The following VDAC1 variants were observed in gnomAD, a reference collection of about 807,000 sequenced individuals.
The protein encoded by VDAC1 is non-selective voltage-gated ion channel VDAC1.
VDAC1 carries 10 observed loss-of-function variants against 34.7 expected under a neutral mutation model. The observed-to-expected ratio is 0.29, with a 90% CI of 0.18 to 0.49. The LOEUF (loss-of-function observed/expected upper bound fraction) is 0.49. Ranked by LOEUF, VDAC1 falls within the 20% of genes least tolerant of loss-of-function variation. The pLI is 0.99. For synonymous variants in VDAC1, 130 were observed against 136.0 expected (o/e 0.96, Z 0.30); for missense variants, 230 against 347.9 (o/e 0.66, Z 2.69).
chr5:134,109,770 C>CAAAAAAAAAAA, the VDAC1 span, among the ~76,000 whole-genome samples: 38 of 140,292 alleles, frequency 2.7e-4, no homozygotes, highest in African/African-American at 1.0e-3. Context: ...GGCTCCATCT[C>CAAAAAAAAAAA]AAAAAAAAAA....
At chr5:134,070,569 C>G in the VDAC1 span, among the ~76,000 whole-genome samples, 22 of 152,188 alleles carry the variant, frequency 1.4e-4, no homozygotes, top group African/African-American at 4.8e-4. Flanking sequence ...CCAGAGAGAA[C>G]CACTACTAAG....
the VDAC1 span, among the ~76,000 whole-genome samples, chr5:134,092,536 C>G: frequency 6.6e-6 from 1 of 152,070 alleles, no homozygotes. Context: ...ATTAGCCAGG[C>G]ATGGTGGTGG....
At chr5:134,088,263 C>T in the VDAC1 span, among the ~76,000 whole-genome samples, 1 of 152,192 alleles carries the variant, frequency 6.6e-6, no homozygotes, top group Admixed American at 6.5e-5. Flanking sequence ...GTCCCCAGAG[C>T]CCCCAACAAA....
chr5:134,095,565 C>G, the VDAC1 span, among the ~76,000 whole-genome samples: 1 of 152,074 alleles, frequency 6.6e-6, no homozygotes, highest in Non-Finnish European at 1.5e-5. Flanking sequence ...CAGATGTAAT[C>G]TAACTTTTTC....
chr5:134,019,041 TG>T, the VDAC1 span, among the ~76,000 whole-genome samples: 1 of 152,302 alleles, frequency 6.6e-6, no homozygotes, highest in East Asian at 1.9e-4. Context: ...TCTCCCCGCT[TG>T]GCTGATTTTA....
the VDAC1 span, among the ~76,000 whole-genome samples, chr5:134,067,975 G>A: frequency 1.0e-3 from 158 of 152,148 alleles, no homozygotes; most frequent in African/African-American, 3.5e-3. Context: ...AAAATTAGCC[G>A]GTCATGGTGG....
chr5:133,991,526 A>T (rs1015077232), intron 3 of VDAC1, among the ~76,000 whole-genome samples: 1 of 152,244 alleles, frequency 6.6e-6, no homozygotes, highest in Non-Finnish European at 1.5e-5. Context: ...TACTGCACAC[A>T]TAATTTCAAA....
chr5:134,056,271 G>T, the VDAC1 span, among the ~76,000 whole-genome samples: 2 of 150,184 alleles, frequency 1.3e-5, no homozygotes, highest in East Asian at 2.0e-4. Flanking sequence ...AAAAGATCTA[G>T]GGGTCTGTGA....
At chr5:134,083,642 G>A in the VDAC1 span, among the ~76,000 whole-genome samples, 1 of 152,226 alleles carries the variant, frequency 6.6e-6, no homozygotes, top group African/African-American at 2.4e-5. Flanking sequence ...GCCTCAGCTG[G>A]CCGTGGTACC....
the VDAC1 span, among the ~76,000 whole-genome samples, chr5:134,089,404 G>A: frequency 1.3e-5 from 2 of 152,190 alleles, no homozygotes; most frequent in Non-Finnish European, 2.9e-5. Flanking sequence ...TGCCCTTATG[G>A]TTTGCCCCTT....
chr5:133,980,964 A>G lies in VDAC1; in HGVS notation c.324-8T>C, dbSNP rs765434180. ...ATTTTAGCATTTTTTTTCCTGAAGG[A>G]AAATAAGTTATATTAAGATCAGAAG... On this transcript the variant is annotated splice_region_variant and splice_polypyrimidine_tract_variant and intron_variant, in intron 5 of 8. Coordinates refer to ENST00000265333, the MANE Select transcript of VDAC1 (RefSeq NM_003374.3). 2 of 1,611,916 alleles carry G rather than the reference A, an allele frequency of 1.2e-6. No homozygotes were observed. Among genetic ancestry groups the G allele is most frequent in the African/African-American group, 2.7e-5 (2 of 74,812 alleles).
the VDAC1 span, among the ~76,000 whole-genome samples, chr5:134,071,899 C>A: frequency 6.6e-6 from 1 of 152,116 alleles, no homozygotes; most frequent in South Asian, 2.1e-4. The surrounding 1 kb of genome is among the most constrained non-coding windows in gnomAD (Gnocchi z 4.1). Context: ...AGCCAGTCTC[C>A]CCTCTCTGTA....
chr5:134,075,798 G>C, the VDAC1 span, among the ~76,000 whole-genome samples: 2,137 of 152,010 alleles, frequency 0.014, 61 homozygotes, highest in African/African-American at 0.048. Context: ...TGTTAGCCAG[G>C]ATGGTCTCGA....
the VDAC1 span, among the ~76,000 whole-genome samples, chr5:134,037,294 G>T: frequency 1.3e-5 from 2 of 152,206 alleles, no homozygotes; most frequent in Non-Finnish European, 2.9e-5. Context: ...GGGAACTGAG[G>T]ACTGAACTCT....
At chr5:134,010,149 C>G in the VDAC1 span, among the ~76,000 whole-genome samples, 7 of 152,132 alleles carry the variant, frequency 4.6e-5, no homozygotes, top group Non-Finnish European at 2.9e-5. Context: ...ATTCCACCCC[C>G]CTTGATGCTG....
At chr5:134,113,448 G>A in the VDAC1 span, among the ~76,000 whole-genome samples, 8 of 152,372 alleles carry the variant, frequency 5.3e-5, no homozygotes, top group South Asian at 1.4e-3. Flanking sequence ...AGGGAGGCAC[G>A]GCTGTCTTCC....
chr5:134,054,003 C>T, the VDAC1 span, among the ~76,000 whole-genome samples: 9 of 152,328 alleles, frequency 5.9e-5, no homozygotes, highest in East Asian at 1.7e-3. Flanking sequence ...CTGTTTGTCA[C>T]TGACAATGGC....
At chr5:134,020,020 C>G in the VDAC1 span, among the ~76,000 whole-genome samples, 1 of 152,160 alleles carries the variant, frequency 6.6e-6, no homozygotes, top group East Asian at 1.9e-4. Context: ...TTTGTCCTCA[C>G]CCCATCCTTT....
chr5:134,060,241 A>G, the VDAC1 span, among the ~76,000 whole-genome samples: 1 of 151,922 alleles, frequency 6.6e-6, no homozygotes, highest in Admixed American at 6.6e-5. Flanking sequence ...ACTGAGTGCA[A>G]CTGTGCTCCA....
Sources: gnomAD v4.1 joint callset for allele counts (sites outside exome capture counted in the v4.1 genomes callset) on GRCh38, gnomAD v4.1.1 for gene constraint, Gnocchi (gnomAD v3.1) non-coding constraint, MANE v1.5 for transcripts, NCBI Gene and HGNC (gene_info 2026-07-23, HGNC 2026-07-21) for gene names.